PSD2: variants seen among roughly 807,000 people sequenced by gnomAD.
PSD2 encodes pleckstrin and Sec7 domain containing 2, also known as PH and SEC7 domain-containing protein 2.
Under a neutral mutation model 69.8 loss-of-function variants are expected in PSD2, and 38 were observed. The observed-to-expected ratio is 0.54, with a 90% confidence interval of 0.42 to 0.71. The LOEUF (loss-of-function observed/expected upper bound fraction) is 0.71, where lower values mean the gene tolerates loss of function less well. Ranked by LOEUF, PSD2 falls within the 30% of genes least tolerant of loss-of-function variation. The pLI is 0.00. For missense variants in PSD2, 943 were observed against 1,014.5 expected, an observed-to-expected ratio of 0.93 and a Z score of 0.96; for synonymous variants, 412 against 423.0, an observed-to-expected ratio of 0.97 and a Z score of 0.32.
At chr5:139,796,299 C>T (rs1759526172) in intron 1 of PSD2, among the ~76,000 whole-genome samples, 1 of 152,160 alleles carries the variant, frequency 6.6e-6, no homozygotes, top group Admixed American at 6.5e-5. Flanking sequence ...CTCCCGGCTC[C>T]GCCACCCACT....
At chr5:139,824,521 C>T (rs537673934) in intron 7 of PSD2, among the ~76,000 whole-genome samples, 87 of 151,840 alleles carry the variant, frequency 5.7e-4, no homozygotes, top group African/African-American at 1.8e-3. Flanking sequence ...CTCAGCCTCC[C>T]GAGTAGCTGG....
the PSD2 span, among the ~76,000 whole-genome samples, chr5:139,758,438 G>A: frequency 6.6e-6 from 1 of 152,106 alleles, no homozygotes; most frequent in Admixed American, 6.5e-5. Context: ...GTAAAGTGCT[G>A]CGGACCGTGC....
chr5:139,779,984 A>C, the PSD2 span, among the ~76,000 whole-genome samples: 485 of 152,328 alleles, frequency 3.2e-3, 1 homozygote, highest in African/African-American at 0.011. Flanking sequence ...AACTGCTATG[A>C]AATTGTTGTA....
intron 7 of PSD2, among the ~76,000 whole-genome samples, chr5:139,823,791 T>C (rs1021124461): frequency 6.6e-6 from 1 of 152,210 alleles, no homozygotes; most frequent in South Asian, 2.1e-4. Context: ...GTATTCCTCA[T>C]TACTGTGAAA....
At chr5:139,748,071 G>A in the PSD2 span, among the ~76,000 whole-genome samples, 6 of 152,212 alleles carry the variant, frequency 3.9e-5, no homozygotes, top group Admixed American at 3.9e-4. Flanking sequence ...AAGGTCTGCG[G>A]ACACGTGTGA....
intron 7 of PSD2, 65 bp downstream of exon 7, chr5:139,822,849 G>T: frequency 1.4e-6 from 2 of 1,400,442 alleles, no homozygotes; most frequent in South Asian, 1.4e-5. Flanking sequence ...TGTTGATCCC[G>T]GCCCCTTCCT....
At chr5:139,827,970 G>T (rs1316902541) in intron 7 of PSD2, among the ~76,000 whole-genome samples, 1 of 152,134 alleles carries the variant, frequency 6.6e-6, no homozygotes, top group East Asian at 1.9e-4. Context: ...TCTAAAGAAT[G>T]GGGGAGGTGG....
chr5:139,797,541 C>G lies in PSD2; in HGVS notation c.-51+1566C>G, dbSNP rs117316875. ...AACTATGGGGTGCACGCTCCACAAG[C>G]AGACCTGACAAATAGTGCCTCCCAG... On this transcript the variant is annotated intron_variant, in intron 1 of 14. Transcript: ENST00000274710. Among the ~76,000 whole-genome samples, 84 of 152,340 alleles carry G rather than the reference C, an allele frequency of 5.5e-4. 3 individuals carry two copies. The East Asian group carries it at 0.015, about 27-fold the overall frequency.
chr5:139,800,570 C>T (rs763544801), intron 1 of PSD2, among the ~76,000 whole-genome samples: 35 of 152,314 alleles, frequency 2.3e-4, no homozygotes, highest in Non-Finnish European at 3.8e-4. Context: ...CCCCTGTGCC[C>T]GGCCCTCACT....
chr5:139,842,464 C>T lies in PSD2; in HGVS notation c.2306C>T (p.Pro769Leu). The T allele has an allele frequency of 1.2e-6, 2 of 1,613,216 alleles. No homozygotes were observed. The highest frequency in any genetic ancestry group is 1.7e-6 in the Non-Finnish European group (2 of 1,179,336). ...GSKTTKDATG[P>L]DT The stretch of plus-strand genomic sequence containing the variant: ...AAAACCACAAAGGATGCCACTGGGC[C>T]TGATACTTAGCTGACATGGATTTGC... The change falls in exon 15 of 15, where the codon CCT becomes CTT. Residue 769 changes from proline to leucine, a missense_variant. Coordinates refer to ENST00000274710, the MANE Select transcript of PSD2 (RefSeq NM_032289.4).
intron 7 of PSD2, among the ~76,000 whole-genome samples, chr5:139,826,129 G>C (rs1013465160): frequency 1.3e-5 from 2 of 152,214 alleles, no homozygotes; most frequent in African/African-American, 4.8e-5. Context: ...AGTGGTCATG[G>C]GTGGGATGGT....
chr5:139,829,409 G>C, intron 7 of PSD2, among the ~76,000 whole-genome samples: 1 of 152,108 alleles, frequency 6.6e-6, no homozygotes. Flanking sequence ...ATTCACAATG[G>C]TGTGCAATCG....
In PSD2 at chr5:139,837,322, A is replaced by T; in HGVS notation, c.1665+84A>T. On this transcript the variant is annotated intron_variant, in intron 11 of 14. Coordinates refer to ENST00000274710, the MANE Select transcript of PSD2 (RefSeq NM_032289.4). This position sits in a 1 kb window ranked among gnomAD's most constrained non-coding sequence, Gnocchi z 5.0. The stretch of plus-strand genomic sequence containing the variant: ...TGGCCTTGTGGCACCCCGAAGCCCC[A>T]GGCAGGACCTGGGGCTCAGGCACAT... The T allele has an allele frequency of 7.6e-7, 1 of 1,307,722 alleles. No homozygotes were observed. The highest frequency in any genetic ancestry group is 1.2e-5 in the South Asian group (1 of 81,840). 81.0% of individuals were successfully genotyped at this position (1,307,722 alleles called of 1,614,324 possible).
upstream of PSD2, among the ~76,000 whole-genome samples, chr5:139,794,751 A>AT (rs1181761589): frequency 6.6e-6 from 1 of 152,038 alleles, no homozygotes; most frequent in Non-Finnish European, 1.5e-5. Context: ...CTCTATCCTG[A>AT]TTTCCCTTCT....
At chr5:139,812,026 G>A (rs188964882) in intron 2 of PSD2, among the ~76,000 whole-genome samples, 3 of 152,186 alleles carry the variant, frequency 2.0e-5, no homozygotes, top group Admixed American at 6.5e-5. Context: ...CTGTGTACCT[G>A]CTCATGTCCC....
chr5:139,792,055 G>A (rs150563428), upstream of PSD2, among the ~76,000 whole-genome samples: 239 of 152,050 alleles, frequency 1.6e-3, no homozygotes, highest in Non-Finnish European at 2.7e-3. Context: ...ACTAGAAATG[G>A]TTGAGGGGGA....
In PSD2 at chr5:139,813,338, G is replaced by A. The variant is rs957255349; in HGVS notation, c.401G>A (p.Arg134Gln). ...GATGGTCCCGGGGAGCCAGATGTGCGGGATGGCTTCAGCGCCACGTTTGAG... is the reference window on the plus strand; with the variant it reads ...GATGGTCCCGGGGAGCCAGATGTGCAGGATGGCTTCAGCGCCACGTTTGAG... ...GLDGPGEPDV[R>Q]DGFSATFEKI... The change falls in exon 3 of 15, where the codon CGG (arginine) becomes CAG (glutamine). Residue 134 changes from arginine to glutamine, a missense_variant. This residue lies in a region of PSD2 where 466 missense variants were observed against 445.0 expected (regional missense o/e 1.05). Transcript: ENST00000274710. 25 of 1,568,934 alleles carry A rather than the reference G, an allele frequency of 1.6e-5. No homozygotes were observed. Among genetic ancestry groups the A allele is most frequent in the Admixed American group, 7.0e-5 (4 of 56,772 alleles).
intron 7 of PSD2, among the ~76,000 whole-genome samples, chr5:139,823,495 C>A (rs992333416): frequency 6.6e-6 from 1 of 152,134 alleles, no homozygotes; most frequent in Non-Finnish European, 1.5e-5. Context: ...GGACAACAGG[C>A]CAGCAAGTTA....
At chr5:139,812,792 G>GTTCACACT (rs1760005069) in intron 2 of PSD2, among the ~76,000 whole-genome samples, 1 of 152,188 alleles carries the variant, frequency 6.6e-6, no homozygotes, top group South Asian at 2.1e-4. Flanking sequence ...GTGATAAGAT[G>GTTCACACT]TTCACACTGC....
Sources: gnomAD v4.1 joint callset for allele counts (sites outside exome capture counted in the v4.1 genomes callset) on GRCh38, gnomAD v4.1.1 for gene constraint, gnomAD v4.1.1 regional missense constraint, Gnocchi (gnomAD v3.1) non-coding constraint, MANE v1.5 for transcripts, NCBI Gene and HGNC (gene_info 2026-07-23, HGNC 2026-07-21) for gene names.